Variants in RPS6KA6 observed in about 807,000 individuals in gnomAD.
RPS6KA6 encodes ribosomal protein S6 kinase alpha-6.
Under a neutral mutation model 65.4 loss-of-function variants are expected in RPS6KA6, and 27 were observed. That is an observed-to-expected ratio of 0.41 (90% CI 0.30 to 0.57). The LOEUF is 0.57. Among genes scored for constraint, RPS6KA6 ranks in the 20% least tolerant of loss-of-function variants. The probability of loss-of-function intolerance (pLI) is 0.24; values close to 1 mark genes in which losing one functional copy is unlikely to be tolerated. For synonymous variants in RPS6KA6, 190 were observed against 184.2 expected, an observed-to-expected ratio of 1.03 and a Z score of -0.26; for missense variants, 486 against 555.6, an observed-to-expected ratio of 0.87 and a Z score of 1.26.
At chrX:84,125,376 A>G (rs934357936) in intron 8 of RPS6KA6, among the ~76,000 whole-genome samples, 3 of 111,998 alleles carry the variant, frequency 2.7e-5, no homozygotes, top group Non-Finnish European at 3.8e-5. Flanking sequence ...CATAAAGAGA[A>G]GCAATGAAAA....
intron 1 of RPS6KA6, chrX:84,186,613 T>C (rs777189381): frequency 9.0e-6 from 1 of 111,563 alleles, no homozygotes; most frequent in East Asian, 2.8e-4. Context: ...CATGTAATCT[T>C]AACCCCAGTT....
chrX:84,093,969 C>T (rs886924062), intron 20 of RPS6KA6, among the ~76,000 whole-genome samples: 3 of 111,072 alleles, frequency 2.7e-5, no homozygotes, highest in African/African-American at 6.5e-5. Flanking sequence ...AGCACACTCC[C>T]GTTACTCCTA....
intron 20 of RPS6KA6, among the ~76,000 whole-genome samples, chrX:84,088,035 G>A (rs897741479): frequency 9.0e-6 from 1 of 111,401 alleles, no homozygotes; most frequent in Admixed American, 9.6e-5. Flanking sequence ...GGCTATTCTA[G>A]TTGTCAGCTC....
chrX:84,186,561 T>C (rs1274072047), intron 1 of RPS6KA6, among the ~76,000 whole-genome samples: 1 of 112,010 alleles, frequency 8.9e-6, no homozygotes, highest in Non-Finnish European at 1.9e-5. Flanking sequence ...AGGGTACTTC[T>C]GAATTTATTT....
In RPS6KA6 at chrX:84,187,945, C is replaced by G. The variant is rs374947930; in HGVS notation, c.-46G>C. 7.2e-5 allele frequency: 78 copies of G among 1,087,013 alleles called. 1 individual carries two copies. The African/African-American group carries it at 1.4e-3, about 20-fold the overall frequency. 89.6% of individuals were successfully genotyped at this position (1,087,013 alleles called of 1,213,427 possible). A position where few individuals can be genotyped will look rare whatever the true frequency, so the allele number is the denominator to read the frequency against. On this transcript the variant is annotated 5_prime_UTR_variant, in exon 1 of 22. Coordinates refer to ENST00000262752, the MANE Select transcript of RPS6KA6 (RefSeq NM_014496.5). ...AACAGGAGCTGCCGCCTACCGCTGG[C>G]GCGGCCGCGCATCCTGTCTATTGAA...
chrX:84,110,434 G>A (rs745854176), intron 12 of RPS6KA6, among the ~76,000 whole-genome samples: 8 of 112,135 alleles, frequency 7.1e-5, no homozygotes, highest in African/African-American at 2.3e-4. Context: ...CAGGGAACCT[G>A]GCATTCCACT....
In RPS6KA6 at chrX:84,097,852, A is replaced by G. The variant is rs754022751; in HGVS notation, c.1777-4T>C. 1 of 1,154,979 alleles carries G rather than the reference A, an allele frequency of 8.7e-7. No homozygotes were observed. Among genetic ancestry groups the G allele is most frequent in the Admixed American group, 2.2e-5 (1 of 44,958 alleles). ...CATATCCCTGTTGCATAAGAACCTA[A>G]GAAAGAAATACTCATTATATGGTGT... On this transcript the variant is annotated splice_polypyrimidine_tract_variant and splice_region_variant and intron_variant, in intron 18 of 21. Coordinates refer to ENST00000262752, the MANE Select transcript of RPS6KA6 (RefSeq NM_014496.5).
chrX:84,150,886 T>TATAG (rs2035294723), intron 3 of RPS6KA6, among the ~76,000 whole-genome samples: 1 of 89,223 alleles, frequency 1.1e-5, no homozygotes, highest in African/African-American at 4.0e-5. Flanking sequence ...TATATATATA[T>TATAG]AGAGGATATA....
chrX:84,065,190 C>T (rs1167830334), intron 20 of RPS6KA6, 79 bp from the exon 21 acceptor site: 16 of 653,296 alleles, frequency 2.4e-5, no homozygotes, highest in Non-Finnish European at 3.6e-5. Context: ...AATGTGACAG[C>T]ATCAATAGCC....
chrX:84,088,636 G>A (rs972235243), intron 20 of RPS6KA6, among the ~76,000 whole-genome samples: 1 of 112,148 alleles, frequency 8.9e-6, no homozygotes, highest in African/African-American at 3.2e-5. Context: ...AAACAGTCTG[G>A]CTGCTTTTTG....
intron 1 of RPS6KA6, among the ~76,000 whole-genome samples, chrX:84,170,560 G>C (rs1465545035): frequency 9.0e-6 from 1 of 111,264 alleles, no homozygotes; most frequent in Non-Finnish European, 1.9e-5. Context: ...AACCCAGGAG[G>C]TGGAGGTTGC....
intron 1 of RPS6KA6, among the ~76,000 whole-genome samples, chrX:84,169,372 G>T (rs759493144): frequency 9.1e-6 from 1 of 109,718 alleles, no homozygotes; most frequent in Non-Finnish European, 1.9e-5. Context: ...CAAATTTATC[G>T]CTTTCTTACT....
At chrX:84,127,626 G>A (rs2034820371) in intron 8 of RPS6KA6, among the ~76,000 whole-genome samples, 1 of 111,048 alleles carries the variant, frequency 9.0e-6, no homozygotes, top group South Asian at 3.8e-4. Context: ...TCATGACCAA[G>A]TGAGATTTGT....
Position 84,101,175 on chromosome X carries a change from C to T in RPS6KA6, c.1776+862G>A, listed in dbSNP as rs374802823. On this transcript the variant is annotated intron_variant, in intron 18 of 21. Coordinates refer to ENST00000262752, the MANE Select transcript of RPS6KA6 (RefSeq NM_014496.5). ...GAAGAGTTTTAGGTATTTTGATTTTCATTGAATATGTAATTACATGTCAGT... is the reference window on the plus strand; with the variant it reads ...GAAGAGTTTTAGGTATTTTGATTTTTATTGAATATGTAATTACATGTCAGT... 2.1e-4 allele frequency among the ~76,000 whole-genome samples: 23 copies of T among 111,157 alleles called. No homozygotes were observed. In the East Asian group the frequency reaches 3.7e-3, roughly 18 times the overall value.
At chrX:84,185,931 T>G in intron 1 of RPS6KA6, 1 of 436,614 alleles carries the variant, frequency 2.3e-6, no homozygotes, top group Non-Finnish European at 4.0e-6. Context: ...AAGTACTAAG[T>G]GGGTCTGTTC....
chrX:84,117,541 T>C (rs2034592359), intron 9 of RPS6KA6, 87 bp from the exon 10 acceptor site: 1 of 521,442 alleles, frequency 1.9e-6, no homozygotes, highest in Non-Finnish European at 2.9e-6. Flanking sequence ...GAGACTTCTA[T>C]ATAATCATCA....
At position 84,146,984 on chromosome X, in the gene RPS6KA6, G is replaced by T; in HGVS notation, c.415C>A (p.His139Asn). Residue 139 changes from histidine (H) to asparagine (N), a missense_variant, in exon 5 of 22, where the codon CAC becomes AAC. By Grantham distance (68) the His-to-Asn change is moderately conservative (BLOSUM62 1). Around this residue, in one of 3 missense-constraint regions of RPS6KA6, gnomAD observed 35 missense variants for 75.5 expected, o/e 0.46. Coordinates refer to ENST00000262752, the MANE Select transcript of RPS6KA6 (RefSeq NM_014496.5). ...ATAAAAAAAGATTACATACCATAGT[G>T]CAATTTGACAATAAATGGATGATTT... ...EVNHPFIVKL[H>N]YAFQTEGKLY... is the part of the protein sequence containing the mutation. The T allele has an allele frequency of 8.9e-7, 1 of 1,128,162 alleles. No homozygotes were observed. The highest frequency in any genetic ancestry group is 1.2e-6 in the Non-Finnish European group (1 of 826,122). 93.0% of individuals were successfully genotyped at this position (1,128,162 alleles called of 1,213,427 possible). A position where few individuals can be genotyped will look rare whatever the true frequency, so the allele number is the denominator to read the frequency against.
intron 18 of RPS6KA6, among the ~76,000 whole-genome samples, chrX:84,099,213 G>A (rs2034214439): frequency 9.0e-6 from 1 of 110,941 alleles, no homozygotes; most frequent in Non-Finnish European, 1.9e-5. Context: ...GACTTGCGCA[G>A]GAGGTGTCAT....
chrX:84,160,839 G>A (rs1003732137), intron 2 of RPS6KA6, among the ~76,000 whole-genome samples: 5 of 110,982 alleles, frequency 4.5e-5, no homozygotes, highest in African/African-American at 1.6e-4. Context: ...CAATATAAAT[G>A]CCAAAATGCC....
Sources: gnomAD v4.1 joint callset for allele counts (sites outside exome capture counted in the v4.1 genomes callset) on GRCh38, gnomAD v4.1.1 for gene constraint, gnomAD v4.1.1 regional missense constraint, MANE v1.5 for transcripts, NCBI Gene and HGNC (gene_info 2026-07-23, HGNC 2026-07-21) for gene names.